Variants in ST8SIA2 observed in about 807,000 individuals in gnomAD.
ST8SIA2 encodes alpha-2,8-sialyltransferase 8B.
Under a neutral mutation model 37.6 loss-of-function variants are expected in ST8SIA2, and 22 were observed. The observed-to-expected ratio is 0.58, with a 90% confidence interval of 0.42 to 0.83. The LOEUF is 0.83. Ranked by LOEUF, ST8SIA2 falls within the 40% of genes least tolerant of loss-of-function variation. ST8SIA2 has a pLI of 0.00. For synonymous variants in ST8SIA2, 205 were observed against 201.2 expected, an observed-to-expected ratio of 1.02 and a Z score of -0.16; for missense variants, 382 against 484.7, an observed-to-expected ratio of 0.79 and a Z score of 1.99.
Position 92,398,352 on chromosome 15 carries a change from C to A in ST8SIA2, c.98+4190C>A, listed in dbSNP as rs1034324408. Among the ~76,000 whole-genome samples the A allele has an allele frequency of 7.9e-5, 12 of 152,314 alleles. No homozygotes were observed. The East Asian group carries it at 1.7e-3, about 22-fold the overall frequency. ...CTCTTTTGTAACCCAATGTCCTAATCCTCATATTAGTTCCTCTACCCATAA... is the reference window on the plus strand; with the variant it reads ...CTCTTTTGTAACCCAATGTCCTAATACTCATATTAGTTCCTCTACCCATAA... On this transcript the variant is annotated intron_variant, in intron 1 of 5. Transcript: ENST00000268164.
In ST8SIA2 at chr15:92,400,184, C is replaced by T. The variant is rs1045824370; in HGVS notation, c.98+6022C>T. The stretch of plus-strand genomic sequence containing the variant: ...CTTCTTCCAGGCTAAGATCTGGTAT[C>T]TCCTAGACCCCGTCCCCTTCCGAGA... On this transcript the variant is annotated intron_variant, in intron 1 of 5. Coordinates refer to ENST00000268164, the MANE Select transcript of ST8SIA2 (RefSeq NM_006011.4). 2.0e-5 allele frequency among the ~76,000 whole-genome samples: 3 copies of T among 152,216 alleles called. 1 individual carries two copies. The highest frequency in any genetic ancestry group is 7.2e-5 in the African/African-American group (3 of 41,444).
chr15:92,414,891 C>A (rs1294613761), intron 1 of ST8SIA2, among the ~76,000 whole-genome samples: 2 of 152,240 alleles, frequency 1.3e-5, no homozygotes, highest in Non-Finnish European at 2.9e-5. Flanking sequence ...TTAATTTCTT[C>A]CACCCTGAAC....
intron 1 of ST8SIA2, among the ~76,000 whole-genome samples, chr15:92,405,289 GAC>G (rs2049499682): frequency 6.6e-6 from 1 of 152,222 alleles, no homozygotes; most frequent in Admixed American, 6.5e-5. Context: ...AATTGATGGA[GAC>G]AGAAAGTAGA....
chr15:92,420,100 C>T (rs897265442), intron 1 of ST8SIA2, among the ~76,000 whole-genome samples: 6 of 152,114 alleles, frequency 3.9e-5, no homozygotes, highest in African/African-American at 7.2e-5. Flanking sequence ...CTATTGACTT[C>T]GTGATCTGCC....
At chr15:92,397,874 T>A (rs997929101) in intron 1 of ST8SIA2, among the ~76,000 whole-genome samples, 4 of 152,212 alleles carry the variant, frequency 2.6e-5, no homozygotes, top group African/African-American at 9.7e-5. Context: ...GGCTCACGCC[T>A]GTAATCCCAA....
At chr15:92,455,302 G>A (rs543306707) in intron 5 of ST8SIA2, among the ~76,000 whole-genome samples, 16 of 152,124 alleles carry the variant, frequency 1.1e-4, no homozygotes, top group East Asian at 1.9e-4. Flanking sequence ...AAGGAGGGAC[G>A]TCTGTGATAT....
intron 1 of ST8SIA2, among the ~76,000 whole-genome samples, chr15:92,398,448 G>A (rs905708273): frequency 6.6e-6 from 1 of 152,214 alleles, no homozygotes; most frequent in Non-Finnish European, 1.5e-5. Context: ...TTATGACAAC[G>A]GTGAAGATGA....
intron 1 of ST8SIA2, among the ~76,000 whole-genome samples, chr15:92,416,838 C>T (rs1035763866): frequency 1.3e-5 from 2 of 152,194 alleles, no homozygotes. Context: ...CCGCTCTGAA[C>T]GGGCCCCCAG....
chr15:92,462,082 A>G (rs1263656174), intron 5 of ST8SIA2, among the ~76,000 whole-genome samples: 1 of 151,880 alleles, frequency 6.6e-6, no homozygotes, highest in African/African-American at 2.4e-5. Flanking sequence ...GGCTTATGAA[A>G]CAACCGCGGT....
At position 92,467,108 on chromosome 15, in the gene ST8SIA2, T is replaced by A. The variant is rs1002833592; in HGVS notation, c.*2723T>A. 2.6e-5 allele frequency: 4 copies of A among 152,954 alleles called. No homozygotes were observed. The highest frequency in any genetic ancestry group is 9.7e-5 in the African/African-American group (4 of 41,402). 9.5% of individuals were successfully genotyped at this position (152,954 alleles called of 1,614,324 possible). A position where few individuals can be genotyped will look rare whatever the true frequency, so the allele number is the denominator to read the frequency against. On this transcript the variant is annotated 3_prime_UTR_variant, in exon 6 of 6. Transcript: ENST00000268164. Reference sequence around the variant, plus strand: ...GCCTGCCCGCCATCAGCCACCCGAGTGGTTCCGACCTCCATTCACCTCAAG... The same window carrying A: ...GCCTGCCCGCCATCAGCCACCCGAGAGGTTCCGACCTCCATTCACCTCAAG...
At chr15:92,436,196 G>C (rs968585300) in intron 3 of ST8SIA2, among the ~76,000 whole-genome samples, 2 of 152,076 alleles carry the variant, frequency 1.3e-5, no homozygotes, top group Non-Finnish European at 2.9e-5. Context: ...ACATTCACAG[G>C]TTCCAGGGGT....
intron 5 of ST8SIA2, among the ~76,000 whole-genome samples, chr15:92,457,917 G>T (rs1390893662): frequency 2.0e-5 from 3 of 152,164 alleles, no homozygotes; most frequent in Non-Finnish European, 2.9e-5. Flanking sequence ...TGGGTGAAAA[G>T]CCTGGCCCCA....
chr15:92,443,919 C>G (rs991600446), intron 4 of ST8SIA2, among the ~76,000 whole-genome samples: 1 of 152,138 alleles, frequency 6.6e-6, no homozygotes, highest in African/African-American at 2.4e-5. Context: ...TAACGAGCGC[C>G]TGGGGTGATT....
At chr15:92,404,338 G>A (rs374640298) in intron 1 of ST8SIA2, among the ~76,000 whole-genome samples, 1 of 152,164 alleles carries the variant, frequency 6.6e-6, no homozygotes, top group Admixed American at 6.5e-5. Context: ...CTGAGTCTCA[G>A]TTTCCTAATC....
intron 1 of ST8SIA2, among the ~76,000 whole-genome samples, chr15:92,401,385 T>C (rs1042541067): frequency 3.9e-5 from 6 of 152,186 alleles, no homozygotes; most frequent in African/African-American, 1.4e-4. Context: ...AAATTCTCTT[T>C]AGTCTCCTGC....
At chr15:92,436,245 T>C (rs2049757593) in intron 3 of ST8SIA2, among the ~76,000 whole-genome samples, 1 of 152,030 alleles carries the variant, frequency 6.6e-6, no homozygotes, top group Admixed American at 6.5e-5. Context: ...GTCACCATTC[T>C]CCCCACTACA....
In ST8SIA2 at chr15:92,454,668, G is replaced by A. The variant is rs181363646; in HGVS notation, c.843-9432G>A. 4.5e-3 allele frequency among the ~76,000 whole-genome samples: 690 copies of A among 151,862 alleles called. 2 individuals are homozygous for A. The highest frequency in any genetic ancestry group is 0.011 in the Admixed American group (163 of 15,290). Reference sequence around the variant, plus strand: ...GCCCTTCCGCTCTCACCAGCAGCTGGCAGGGCCCGGCCTCTGGTGCCAACA... The same window carrying A: ...GCCCTTCCGCTCTCACCAGCAGCTGACAGGGCCCGGCCTCTGGTGCCAACA... On this transcript the variant is annotated intron_variant, in intron 5 of 5. Transcript: ENST00000268164.
At chr15:92,434,403 G>A (rs1358073246) in intron 3 of ST8SIA2, 28 bp downstream of exon 3, 1 of 1,613,912 alleles carries the variant, frequency 6.2e-7, no homozygotes, top group Non-Finnish European at 8.5e-7. Context: ...CAGGACAAGA[G>A]GTAGACTTGG....
rs1000012850 is a variant in ST8SIA2 at position 92,465,905 on chromosome 15, G to C, written c.*1520G>C. Reference sequence around the variant, plus strand: ...AATAGCCAGCTTGAATTTGTTAGTCGTATTCCTTCACCTGATGAATAACAG... The same window carrying C: ...AATAGCCAGCTTGAATTTGTTAGTCCTATTCCTTCACCTGATGAATAACAG... On this transcript the variant is annotated 3_prime_UTR_variant, in exon 6 of 6. Transcript: ENST00000268164. 6.6e-6 allele frequency: 1 copy of C among 152,170 alleles called. No individual in the cohort carries two copies. Among genetic ancestry groups the C allele is most frequent in the Non-Finnish European group, 1.5e-5 (1 of 68,032 alleles). 9.4% of individuals were successfully genotyped at this position (152,170 alleles called of 1,614,324 possible).
Sources: gnomAD v4.1 joint callset for allele counts (sites outside exome capture counted in the v4.1 genomes callset) on GRCh38, gnomAD v4.1.1 for gene constraint, MANE v1.5 for transcripts, NCBI Gene and HGNC (gene_info 2026-07-23, HGNC 2026-07-21) for gene names.